Variants in BRWD1 observed in about 807,000 individuals in gnomAD.
BRWD1 encodes bromodomain and WD repeat-containing protein 1.
A neutral mutation model predicts 251.2 loss-of-function variants in BRWD1; 82 were observed. The ratio of observed to expected loss-of-function variants is 0.33; its 90% CI spans 0.27 to 0.39. The LOEUF (loss-of-function observed/expected upper bound fraction) is 0.39. Among genes scored for constraint, BRWD1 ranks in the 10% least tolerant of loss-of-function variants. BRWD1 has a pLI of 1.00. For synonymous variants in BRWD1, 918 were observed against 902.8 expected (o/e 1.02, Z -0.30); for missense variants, 2,233 against 2,711.6 (o/e 0.82, Z 3.92).
chr21:39,267,879 T>C (rs1431160771), intron 15 of BRWD1, among the ~76,000 whole-genome samples: 1 of 152,212 alleles, frequency 6.6e-6, no homozygotes, highest in Non-Finnish European at 1.5e-5. Context: ...AAAATACATC[T>C]GTAAATTCTT....
At chr21:39,219,505 C>G in intron 29 of BRWD1, 1 of 152,102 alleles carries the variant, frequency 6.6e-6, no homozygotes, top group Non-Finnish European at 1.5e-5. Context: ...TAAGAAATGT[C>G]ATTTACTGTG....
chr21:39,196,128 C>A lies in BRWD1; in HGVS notation c.*131G>T. ...AAAAATAACAGTCATGATTTAGTCA[C>A]ATTCATAACTTTTCATAGAAAAATA... is the stretch of plus-strand genomic sequence containing the variant. On this transcript the variant is annotated 3_prime_UTR_variant, in exon 41 of 41. Coordinates refer to ENST00000342449, the MANE Select transcript of BRWD1 (RefSeq NM_033656.4). 6.9e-7 allele frequency: 1 copy of A among 1,443,718 alleles called. No individual in the cohort carries two copies. Among genetic ancestry groups the A allele is most frequent in the Non-Finnish European group, 9.0e-7 (1 of 1,105,704 alleles). 89.4% of individuals were successfully genotyped at this position (1,443,718 alleles called of 1,614,324 possible). A position where few individuals can be genotyped will look rare whatever the true frequency, so the allele number is the denominator to read the frequency against.
intron 22 of BRWD1, among the ~76,000 whole-genome samples, chr21:39,237,403 C>T (rs1480185818): frequency 6.6e-6 from 1 of 152,146 alleles, no homozygotes; most frequent in Non-Finnish European, 1.5e-5. Context: ...CTACTAGCTT[C>T]ACCAAACAGA....
intron 23 of BRWD1, among the ~76,000 whole-genome samples, chr21:39,235,109 C>T (rs1307229858): frequency 2.6e-5 from 4 of 151,972 alleles, no homozygotes; most frequent in African/African-American, 9.7e-5. Flanking sequence ...CTTAGCCAGG[C>T]GTGGTTGCGT....
At position 39,300,524 on chromosome 21, in the gene BRWD1, A is replaced by G. The variant is rs556569290; in HGVS notation, c.199-1942T>C. Among the ~76,000 whole-genome samples the G allele has an allele frequency of 1.2e-4, 18 of 152,372 alleles. 1 individual carries two copies. The highest frequency in any genetic ancestry group is 5.2e-4 in the Admixed American group (8 of 15,304). On this transcript the variant is annotated intron_variant, in intron 4 of 40. Coordinates refer to ENST00000342449, the MANE Select transcript of BRWD1 (RefSeq NM_033656.4). ...TTGATGCCACCCTCAAAGCATGGAA[A>G]GCCAGTGATTTACTGAATGTAACAA...
At position 39,186,942 on chromosome 21, in the gene BRWD1, T is replaced by C. The variant is rs929001259; in HGVS notation, c.*9317A>G. 4 of 1,495,948 alleles carry C rather than the reference T, an allele frequency of 2.7e-6. No individual in the cohort carries two copies. In the African/African-American group the frequency reaches 5.7e-5, roughly 21 times the overall value. 92.7% of individuals were successfully genotyped at this position (1,495,948 alleles called of 1,614,324 possible). On this transcript the variant is annotated 3_prime_UTR_variant, in exon 41 of 41. Coordinates refer to ENST00000342449, the MANE Select transcript of BRWD1 (RefSeq NM_033656.4). ...TCCAAAGATGCCAATAAGGGAGTAA[T>C]TTTAGAGCTGGGAGCAGAATGTAAC... is the stretch of plus-strand genomic sequence containing the variant.
intron 27 of BRWD1, among the ~76,000 whole-genome samples, chr21:39,227,615 A>T (rs907734256): frequency 3.3e-5 from 5 of 152,142 alleles, no homozygotes; most frequent in Non-Finnish European, 7.3e-5. Flanking sequence ...GGTAATTTTA[A>T]TTTTTTAATT....
chr21:39,254,190 C>G (rs528605995), intron 19 of BRWD1, among the ~76,000 whole-genome samples: 4 of 152,092 alleles, frequency 2.6e-5, no homozygotes, highest in Non-Finnish European at 5.9e-5. Flanking sequence ...CACTTGAACC[C>G]GGAGGCAGAG....
chr21:39,207,339 G>C (rs1433496218), intron 36 of BRWD1, among the ~76,000 whole-genome samples: 1 of 151,872 alleles, frequency 6.6e-6, no homozygotes, highest in African/African-American at 2.4e-5. Context: ...GGAGGCTGAA[G>C]CAGGCAAATT....
rs376653543 is a variant in BRWD1 at position 39,246,114 on chromosome 21, GAC to G, written c.2481+1585_2481+1586del. ...AAAGACACCACCAAAGAAGTGAAAA[GAC>G]AACCCACAGAATGGGAGAAAAATTC... On this transcript the variant is annotated intron_variant, in intron 21 of 40. Coordinates refer to ENST00000342449, the MANE Select transcript of BRWD1 (RefSeq NM_033656.4). Among the ~76,000 whole-genome samples, 322 of 152,102 alleles carry G rather than the reference GAC, an allele frequency of 2.1e-3. 2 individuals carry two copies. Among genetic ancestry groups the G allele is most frequent in the African/African-American group, 7.4e-3 (307 of 41,482 alleles).
chr21:39,191,300 G>T lies in BRWD1; in HGVS notation c.*4959C>A, dbSNP rs761545686. ...CACAGCGCTCGCACCCCTATATTCTGCCTGCATGAAAAGAAATTACCAGTG... is the reference window on the plus strand; with the variant it reads ...CACAGCGCTCGCACCCCTATATTCTTCCTGCATGAAAAGAAATTACCAGTG... On this transcript the variant is annotated 3_prime_UTR_variant, in exon 41 of 41. Coordinates refer to ENST00000342449, the MANE Select transcript of BRWD1 (RefSeq NM_033656.4). 14 of 985,168 alleles carry T rather than the reference G, an allele frequency of 1.4e-5. No individual in the cohort carries two copies. The highest frequency in any genetic ancestry group is 1.6e-5 in the Non-Finnish European group (13 of 829,876). The allele number at this position is 985,168 out of a possible 1,614,324, so 61.0% of individuals were successfully genotyped here. A position where few individuals can be genotyped will look rare whatever the true frequency, so the allele number is the denominator to read the frequency against.
intron 29 of BRWD1, among the ~76,000 whole-genome samples, chr21:39,221,389 A>G (rs1410900800): frequency 6.6e-6 from 1 of 152,212 alleles, no homozygotes; most frequent in Non-Finnish European, 1.5e-5. Flanking sequence ...CAAAGCAATA[A>G]TAACTAATAT....
intron 31 of BRWD1, among the ~76,000 whole-genome samples, chr21:39,215,831 C>A (rs2032865907): frequency 6.6e-6 from 1 of 151,880 alleles, no homozygotes; most frequent in African/African-American, 2.4e-5. Flanking sequence ...CCAAATTTAC[C>A]AAAAATTAAA....
In BRWD1 at chr21:39,313,481, G is replaced by A; in HGVS notation, c.11C>T (p.Pro4Leu). MAE[P>L]SSARRPVPLI... ...AGGCACCGGGCGTCGGGCGGACGAC[G>A]GCTCCGCCATGGCCGGGCGCGGGGC... The change falls in exon 1 of 41, where the codon CCG becomes CTG. Residue 4 changes from proline to leucine, a missense_variant. Around this residue, in one of 12 missense-constraint regions of BRWD1, gnomAD observed 101 missense variants for 95.6 expected, o/e 1.06. Coordinates refer to ENST00000342449, the MANE Select transcript of BRWD1 (RefSeq NM_033656.4). 7.4e-7 allele frequency: 1 copy of A among 1,343,980 alleles called. No individual in the cohort carries two copies. The highest frequency in any genetic ancestry group is 3.1e-5 in the East Asian group (1 of 32,034). The allele number at this position is 1,343,980 out of a possible 1,614,324, so 83.3% of individuals were successfully genotyped here.
At position 39,277,319 on chromosome 21, in the gene BRWD1, G is replaced by C; in HGVS notation, c.1036C>G (p.His346Asp). The change falls in exon 11 of 41, where the codon CAT (histidine) becomes GAT (aspartate). Residue 346 changes from histidine to aspartate, a missense_variant. By Grantham distance (81) the His-to-Asp change is moderately conservative. Coordinates refer to ENST00000342449, the MANE Select transcript of BRWD1 (RefSeq NM_033656.4). ...CCCAAAAAATACATTCTGATTACAT[G>C]ATCAGTACTACCTGTGGCTAAAAAC... is the stretch of plus-strand genomic sequence containing the variant. ...GMFLATGSTD[H>D]VIRMYFLGFE... 2 of 1,610,824 alleles carry C rather than the reference G, an allele frequency of 1.2e-6. No homozygotes were observed. The highest frequency in any genetic ancestry group is 1.7e-6 in the Non-Finnish European group (2 of 1,178,332).
intron 13 of BRWD1, among the ~76,000 whole-genome samples, chr21:39,271,726 A>G (rs2146676324): frequency 6.9e-6 from 1 of 144,344 alleles, no homozygotes; most frequent in East Asian, 2.0e-4. Flanking sequence ...AAAAGATATT[A>G]CAAGCATCTA....
chr21:39,247,792 G>A lies in BRWD1; in HGVS notation c.2390C>T (p.Thr797Ile). The A allele has an allele frequency of 1.9e-6, 3 of 1,613,194 alleles. No homozygotes were observed. The highest frequency in any genetic ancestry group is 2.2e-5 in the East Asian group (1 of 44,802). Residue 797 changes from threonine to isoleucine, a missense_variant, in exon 21 of 41, where the codon ACA (threonine) becomes ATA (isoleucine). Physicochemically the swap from Thr to Ile is moderately conservative, Grantham distance 89 (BLOSUM62 -1). This residue lies in a region of BRWD1 where 214 missense variants were observed against 222.0 expected (regional missense o/e 0.96). Coordinates refer to ENST00000342449, the MANE Select transcript of BRWD1 (RefSeq NM_033656.4). The part of the protein sequence containing the change: ...VVLVSQSRQR[T>I]CRRKYPNYGR... ...ATAATTTGGATATTTACGCCTACAT[G>A]TCCTTTGTCTAGACTGTGATACCAA...
intron 13 of BRWD1, among the ~76,000 whole-genome samples, chr21:39,271,187 A>C (rs1601428545): frequency 6.6e-6 from 1 of 151,986 alleles, no homozygotes; most frequent in Non-Finnish European, 1.5e-5. Flanking sequence ...AGCTACTCAG[A>C]AGGCTGAGGC....
At position 39,194,109 on chromosome 21, in the gene BRWD1, G is replaced by C. The variant is rs1281009821; in HGVS notation, c.*2150C>G. The C allele has an allele frequency of 2.0e-6, 2 of 985,202 alleles. No individual in the cohort carries two copies. The highest frequency in any genetic ancestry group is 3.5e-5 in the African/African-American group (2 of 57,178). The allele number at this position is 985,202 out of a possible 1,614,324, so 61.0% of individuals were successfully genotyped here. The stretch of plus-strand genomic sequence containing the variant: ...TGCAAGGGTCTAACTATTTTGGACT[G>C]AAAGAAAAAATGGTAATTGGATGGC... On this transcript the variant is annotated 3_prime_UTR_variant, in exon 41 of 41. Transcript: ENST00000342449.
Sources: allele counts gnomAD v4.1 joint callset (sites outside exome capture counted in the v4.1 genomes callset), GRCh38; gene constraint gnomAD v4.1.1; regional missense constraint gnomAD v4.1.1; transcripts MANE v1.5; gene names NCBI Gene and HGNC (gene_info 2026-07-23, HGNC 2026-07-21).